NIPBL: variants seen among roughly 807,000 people sequenced by gnomAD.
NIPBL encodes the protein nipped-B-like protein.
A neutral mutation model predicts 321.8 loss-of-function variants in NIPBL; 19 were observed. That is an observed-to-expected ratio of 0.06 (90% CI 0.04 to 0.09). NIPBL has a LOEUF of 0.09. Among genes scored for constraint, NIPBL ranks in the 10% least tolerant of loss-of-function variants. NIPBL has a pLI of 1.00. For synonymous variants in NIPBL, 1,106 were observed against 1,114.1 expected (o/e 0.99, Z 0.14); for missense variants, 2,210 against 3,327.0 (o/e 0.66, Z 8.26).
intron 1 of NIPBL, among the ~76,000 whole-genome samples, chr5:36,917,414 A>G (rs1300754427): frequency 2.0e-5 from 3 of 152,254 alleles, no homozygotes; most frequent in Admixed American, 6.5e-5. Flanking sequence ...GTGGATTGCA[A>G]AAATTTTCTC....
intron 23 of NIPBL, among the ~76,000 whole-genome samples, chr5:37,016,502 TATC>T (rs1038618765): frequency 1.3e-5 from 2 of 152,148 alleles, no homozygotes; most frequent in Non-Finnish European, 2.9e-5. Flanking sequence ...ATAGACTCCT[TATC>T]ATCTTTAAGA....
chr5:37,046,633 T>C (rs1181583876), intron 38 of NIPBL, among the ~76,000 whole-genome samples: 6 of 152,238 alleles, frequency 3.9e-5, no homozygotes, highest in Admixed American at 2.6e-4. Context: ...CAGTCTACAC[T>C]GACTTATTTA....
In NIPBL at chr5:37,045,537, C is replaced by T. The variant is rs376448686; in HGVS notation, c.6438C>T (p.Thr2146=). 5.9e-5 allele frequency: 96 copies of T among 1,613,960 alleles called. No individual in the cohort carries two copies. In the East Asian group the frequency reaches 1.8e-3, roughly 30 times the overall value. Residue 2146 remains threonine (T), a synonymous_variant, in exon 37 of 47, where the codon ACC becomes ACT. Coordinates refer to ENST00000282516, the MANE Select transcript of NIPBL (RefSeq NM_133433.4). The part of the protein sequence containing the change: ...NKPALLRSLF[T]VGALCRHFDF... ...CAGCACTTCTTAGATCCCTTTTCAC[C>T]GTTGGAGCACTATGTCGGCATTTTG... is the stretch of plus-strand genomic sequence containing the variant.
At position 36,955,573 on chromosome 5, in the gene NIPBL, T is replaced by C. The variant is rs1451376095; in HGVS notation, c.166T>C (p.Cys56Arg). 1 of 1,614,086 alleles carries C rather than the reference T, an allele frequency of 6.2e-7. No homozygotes were observed. The highest frequency in any genetic ancestry group is 8.5e-7 in the Non-Finnish European group (1 of 1,179,982). Residue 56 changes from cysteine (C) to arginine (R), a missense_variant, in exon 3 of 47, where the codon TGT becomes CGT. Transcript: ENST00000282516. ...AGAAGAGGTGAACTGCCTTTTGGCT[T>C]GTAGGGATGACAATTTGGTTTCACA... ...IAEEVNCLLACRDDNLVSQLV... is the reference protein window; with the variant it reads ...IAEEVNCLLARRDDNLVSQLV...
intron 38 of NIPBL, among the ~76,000 whole-genome samples, chr5:37,047,718 T>C (rs1280653955): frequency 1.3e-5 from 2 of 152,208 alleles, no homozygotes; most frequent in East Asian, 3.8e-4. Context: ...GCCATAGTTA[T>C]CCTGAGTGAC....
chr5:36,928,911 G>A (rs1162435217), intron 1 of NIPBL, among the ~76,000 whole-genome samples: 1 of 152,044 alleles, frequency 6.6e-6, no homozygotes, highest in Non-Finnish European at 1.5e-5. Flanking sequence ...TACACTAGTT[G>A]GTAGATACTT....
At chr5:36,964,411 C>T (rs1293733242) in intron 6 of NIPBL, among the ~76,000 whole-genome samples, 1 of 151,894 alleles carries the variant, frequency 6.6e-6, no homozygotes, top group Non-Finnish European at 1.5e-5. Context: ...TAGACCAATC[C>T]CAGAATAGAG....
intron 7 of NIPBL, 89 bp from the exon 8 acceptor site, chr5:36,971,856 G>T: frequency 1.3e-6 from 2 of 1,524,150 alleles, no homozygotes; most frequent in Non-Finnish European, 1.8e-6. Flanking sequence ...TTACCTGTCA[G>T]TAATTTATGT....
In NIPBL at chr5:37,016,101, T is replaced by C. The variant is rs1287977310; in HGVS notation, c.4707T>C (p.Leu1569=). 14 of 1,613,946 alleles carry C rather than the reference T, an allele frequency of 8.7e-6. No homozygotes were observed. The highest frequency in any genetic ancestry group is 1.1e-5 in the Non-Finnish European group (13 of 1,179,902). ...TGTTTGAAAATTTTGTTCAAGACCT[T>C]CTTTCAACAGTCAATAAGCCTGAAT... The part of the protein sequence containing the change: ...RPLFENFVQD[L]LSTVNKPEWP... The change falls in exon 23 of 47, where the codon CTT becomes CTC. Residue 1569 remains leucine, a synonymous_variant. Transcript: ENST00000282516.
In NIPBL at chr5:37,029,468, T is replaced by G. The variant is rs187291381; in HGVS notation, c.5862+2056T>G. On this transcript the variant is annotated intron_variant, in intron 32 of 46. Coordinates refer to ENST00000282516, the MANE Select transcript of NIPBL (RefSeq NM_133433.4). ...ATCATAATTTCTTTATCATTCACCA[T>G]TTTGTGGACTTTGGGGTTCTTTCCA... Among the ~76,000 whole-genome samples, 16 of 152,318 alleles carry G rather than the reference T, an allele frequency of 1.1e-4. No homozygotes were observed. In the Middle Eastern group the frequency reaches 0.014, roughly 130 times the overall value.
chr5:36,883,183 C>A (rs1406203452), intron 1 of NIPBL, among the ~76,000 whole-genome samples: 1 of 151,534 alleles, frequency 6.6e-6, no homozygotes, highest in Non-Finnish European at 1.5e-5. Flanking sequence ...AAAAAAATTC[C>A]CAAGAATGCA....
chr5:37,016,901 G>GA (rs1398174707), intron 23 of NIPBL, 118 bp from the exon 24 acceptor site: 5,964 of 707,318 alleles, frequency 8.4e-3, no homozygotes, highest in South Asian at 0.011. Flanking sequence ...AATATCACAG[G>GA]AAAAAAAAAA....
At position 36,996,918 on chromosome 5, in the gene NIPBL, G is replaced by A. The variant is rs1434963831; in HGVS notation, c.3304+1114G>A. 1 of 164,426 alleles carries A rather than the reference G, an allele frequency of 6.1e-6. No individual in the cohort carries two copies. Among genetic ancestry groups the A allele is most frequent in the East Asian group, 1.8e-4 (1 of 5,582 alleles). 10.2% of individuals were successfully genotyped at this position (164,426 alleles called of 1,614,324 possible). The stretch of plus-strand genomic sequence containing the variant: ...TTTACTGATTTTTTTTTAATTGTGA[G>A]CTCTTGAGCTATGAGCAGTAGACTA... On this transcript the variant is annotated intron_variant, in intron 11 of 46. Coordinates refer to ENST00000282516, the MANE Select transcript of NIPBL (RefSeq NM_133433.4). The surrounding 1 kb of genome is among the most constrained non-coding windows in gnomAD (Gnocchi z 5.0).
intron 6 of NIPBL, among the ~76,000 whole-genome samples, chr5:36,962,610 C>G (rs1313741896): frequency 6.6e-6 from 1 of 152,134 alleles, no homozygotes; most frequent in Non-Finnish European, 1.5e-5. Flanking sequence ...GGGACAATTA[C>G]ATTTTAATTG....
intron 10 of NIPBL, among the ~76,000 whole-genome samples, chr5:36,987,425 A>G (rs1478866374): frequency 6.6e-6 from 1 of 152,220 alleles, no homozygotes; most frequent in Non-Finnish European, 1.5e-5. Context: ...CATATTGGAC[A>G]AAACAGAACA....
intron 22 of NIPBL, among the ~76,000 whole-genome samples, chr5:37,015,378 C>A (rs1748832889): frequency 6.6e-6 from 1 of 152,150 alleles, no homozygotes; most frequent in African/African-American, 2.4e-5. Flanking sequence ...CCTGCCCTGA[C>A]CTCCCAAAGT....
chr5:37,013,467 C>T (rs1003842343), intron 21 of NIPBL, among the ~76,000 whole-genome samples: 3 of 151,562 alleles, frequency 2.0e-5, no homozygotes, highest in African/African-American at 4.9e-5. Context: ...GGCTGCCGGG[C>T]GGAGGGGCTC....
Position 37,054,398 on chromosome 5 carries a change from C to T in NIPBL, c.7263+1832C>T, listed in dbSNP as rs575129470. 4.8e-4 allele frequency among the ~76,000 whole-genome samples: 73 copies of T among 152,148 alleles called. 1 individual carries two copies. Among genetic ancestry groups the T allele is most frequent in the Middle Eastern group, 6.8e-3 (2 of 294 alleles). ...TTTGCATTGTGTATAGGACACTATA[C>T]GAGGAGTGCCAGATGATATAATGTA... On this transcript the variant is annotated intron_variant, in intron 42 of 46. Transcript: ENST00000282516.
At chr5:36,920,593 A>G (rs1748855511) in intron 1 of NIPBL, among the ~76,000 whole-genome samples, 1 of 152,182 alleles carries the variant, frequency 6.6e-6, no homozygotes, top group Non-Finnish European at 1.5e-5. Flanking sequence ...CTTTCTGTTC[A>G]TATCTATTTC....
Sources: gnomAD v4.1 joint callset for allele counts (sites outside exome capture counted in the v4.1 genomes callset) on GRCh38, gnomAD v4.1.1 for gene constraint, Gnocchi (gnomAD v3.1) non-coding constraint, MANE v1.5 for transcripts, NCBI Gene and HGNC (gene_info 2026-07-23, HGNC 2026-07-21) for gene names.